The following FRMD4B variants were observed in gnomAD, a reference collection of about 807,000 sequenced individuals.
FRMD4B encodes the protein FERM domain containing 4B.
FRMD4B carries 74 observed loss-of-function variants against 141.5 expected under a neutral mutation model. The observed-to-expected ratio is 0.52, with a 90% CI of 0.43 to 0.63. FRMD4B has a LOEUF of 0.63. Among genes scored for constraint, FRMD4B ranks in the 30% least tolerant of loss-of-function variants. FRMD4B has a pLI of 0.00. For missense variants in FRMD4B, 1,366 were observed against 1,253.4 expected (o/e 1.09, Z -1.36); for synonymous variants, 506 against 467.9 (o/e 1.08, Z -1.05).
intron 2 of FRMD4B, among the ~76,000 whole-genome samples, chr3:69,406,940 G>C (rs1344514864): frequency 6.7e-6 from 1 of 150,352 alleles, no homozygotes; most frequent in Admixed American, 6.6e-5. Context: ...AGAGACAGGG[G>C]TCTTGTTGTG....
chr3:69,327,767 A>G (rs548210835), intron 1 of FRMD4B, among the ~76,000 whole-genome samples: 1 of 152,342 alleles, frequency 6.6e-6, no homozygotes, highest in African/African-American at 2.4e-5. Flanking sequence ...AAATTGTAAA[A>G]ACAGAAAAGT....
intron 3 of FRMD4B, among the ~76,000 whole-genome samples, chr3:69,310,181 G>T (rs1701529803): frequency 1.3e-5 from 2 of 152,160 alleles, no homozygotes; most frequent in African/African-American, 4.8e-5. Flanking sequence ...TCAGCTGCTT[G>T]GTTTTTGCCC....
chr3:69,422,188 G>A (rs1270830350), intron 2 of FRMD4B, among the ~76,000 whole-genome samples: 1 of 152,096 alleles, frequency 6.6e-6, no homozygotes, highest in African/African-American at 2.4e-5. Context: ...TCAGAAGATC[G>A]AGGCCATTCT....
chr3:69,414,915 G>A (rs549673977), intron 2 of FRMD4B, among the ~76,000 whole-genome samples: 1 of 146,808 alleles, frequency 6.8e-6, no homozygotes, highest in South Asian at 2.2e-4. Flanking sequence ...ACCTAGGCTG[G>A]AGTGCAGTAG....
chr3:69,492,862 T>G (rs1706323627), intron 1 of FRMD4B, among the ~76,000 whole-genome samples: 1 of 152,228 alleles, frequency 6.6e-6, no homozygotes, highest in Non-Finnish European at 1.5e-5. Flanking sequence ...CTGGTAAACG[T>G]TTCCAGTTAC....
chr3:69,260,122 C>T (rs577849419), intron 5 of FRMD4B, among the ~76,000 whole-genome samples: 1 of 152,156 alleles, frequency 6.6e-6, no homozygotes, highest in Non-Finnish European at 1.5e-5. Flanking sequence ...TAGCAGCCCT[C>T]GCTCGCTCTC....
intron 1 of FRMD4B, among the ~76,000 whole-genome samples, chr3:69,522,659 A>T (rs546437657): frequency 4.9e-4 from 74 of 152,296 alleles, no homozygotes; most frequent in African/African-American, 1.8e-3. Context: ...TGTCCAAGCT[A>T]AAGCACCACT....
chr3:69,415,740 T>C (rs940811130), intron 2 of FRMD4B, among the ~76,000 whole-genome samples: 2 of 152,250 alleles, frequency 1.3e-5, no homozygotes, highest in African/African-American at 4.8e-5. Flanking sequence ...GACTATTTAA[T>C]TTTGATCTTT....
At position 69,170,445 on chromosome 3, in the gene FRMD4B, T is replaced by A. The variant is rs1248002890; in HGVS notation, c.*1416A>T. The A allele has an allele frequency of 6.6e-6, 1 of 152,182 alleles. No individual in the cohort carries two copies. The highest frequency in any genetic ancestry group is 1.5e-5 in the Non-Finnish European group (1 of 68,022). The allele number at this position is 152,182 out of a possible 1,614,324, so 9.4% of individuals were successfully genotyped here. A position where few individuals can be genotyped will look rare whatever the true frequency, so the allele number is the denominator to read the frequency against. On this transcript the variant is annotated 3_prime_UTR_variant, in exon 23 of 23. Transcript: ENST00000398540. ...TTTTTTCCAAAATTTTTTCCCAAAC[T>A]TCATTTCTAATTATACAAATGACTA...
chr3:69,507,495 G>A (rs1419539515), intron 1 of FRMD4B, among the ~76,000 whole-genome samples: 2 of 152,050 alleles, frequency 1.3e-5, no homozygotes, highest in African/African-American at 2.4e-5. Context: ...ATATATATAA[G>A]GCTGTGTCAC....
intron 1 of FRMD4B, among the ~76,000 whole-genome samples, chr3:69,489,475 A>C (rs1395276813): frequency 6.6e-6 from 1 of 152,198 alleles, no homozygotes; most frequent in Non-Finnish European, 1.5e-5. Context: ...AGTAGTAGGT[A>C]CATGAAAAGA....
chr3:69,536,711 C>G (rs1701093231), intron 1 of FRMD4B: 2 of 672,358 alleles, frequency 3.0e-6, no homozygotes, highest in Non-Finnish European at 2.7e-6. Context: ...TAGTTTTATC[C>G]TTCAGTTATG....
intron 1 of FRMD4B, among the ~76,000 whole-genome samples, chr3:69,377,578 G>T (rs67863320): frequency 6.6e-6 from 1 of 152,076 alleles, no homozygotes; most frequent in Non-Finnish European, 1.5e-5. Context: ...TCTCAAACCC[G>T]TCTGGAAATC....
At chr3:69,213,645 G>A (rs2093109008) in intron 11 of FRMD4B, among the ~76,000 whole-genome samples, 3 of 140,606 alleles carry the variant, frequency 2.1e-5, no homozygotes, top group South Asian at 2.3e-4. Context: ...TGAATGATGC[G>A]CTGTTGTTTT....
At chr3:69,321,814 G>C (rs1402258851) in intron 1 of FRMD4B, among the ~76,000 whole-genome samples, 1 of 151,904 alleles carries the variant, frequency 6.6e-6, no homozygotes, top group Non-Finnish European at 1.5e-5. Flanking sequence ...TCCCCAACTT[G>C]AGTGATTCTT....
intron 5 of FRMD4B, among the ~76,000 whole-genome samples, chr3:69,277,021 T>C (rs1021083354): frequency 3.9e-5 from 6 of 152,172 alleles, no homozygotes; most frequent in African/African-American, 1.4e-4. Context: ...TGTCACGAAG[T>C]TGGCTAATGA....
chr3:69,324,517 T>C (rs755084395), intron 1 of FRMD4B, among the ~76,000 whole-genome samples: 12 of 152,206 alleles, frequency 7.9e-5, no homozygotes, highest in East Asian at 1.9e-4. Flanking sequence ...CTGGGCACTA[T>C]AGGGTGCTAA....
chr3:69,461,206 T>C (rs1705701696), intron 1 of FRMD4B, among the ~76,000 whole-genome samples: 1 of 152,160 alleles, frequency 6.6e-6, no homozygotes, highest in African/African-American at 2.4e-5. Context: ...TATTATCTCT[T>C]TTAGGCAATA....
intron 22 of FRMD4B, among the ~76,000 whole-genome samples, chr3:69,175,769 CTTTTTTTTTTTTTT>C (rs141059202): frequency 3.3e-3 from 288 of 88,096 alleles, no homozygotes; most frequent in African/African-American, 9.7e-3. Flanking sequence ...CTTTTCTTCT[CTTTTTTTTTTTTTT>C]TTTTTTTTTG....
Sources: gnomAD v4.1 joint callset for allele counts (sites outside exome capture counted in the v4.1 genomes callset) on GRCh38, gnomAD v4.1.1 for gene constraint, MANE v1.5 for transcripts, NCBI Gene and HGNC (gene_info 2026-07-23, HGNC 2026-07-21) for gene names.